DAP: variants seen among roughly 807,000 people sequenced by gnomAD.
DAP encodes death associated protein.
In DAP, 8 loss-of-function variants were observed where a neutral mutation model predicts 13.8. The observed-to-expected ratio is 0.58, with a 90% CI of 0.34 to 1.05. DAP has a LOEUF of 1.05. DAP is among the 50% of genes least tolerant of loss of function. The pLI is 0.03. For synonymous variants in DAP, 47 were observed against 47.5 expected, an observed-to-expected ratio of 0.99 and a Z score of 0.04; for missense variants, 106 against 133.2, an observed-to-expected ratio of 0.80 and a Z score of 1.01.
chr5:10,692,796 G>A (rs960891734), intron 2 of DAP, among the ~76,000 whole-genome samples: 1 of 152,144 alleles, frequency 6.6e-6, no homozygotes, highest in African/African-American at 2.4e-5. Flanking sequence ...CTCCCCAAAA[G>A]GACCGATTGC....
chr5:10,720,297 A>G (rs900068995), intron 2 of DAP, among the ~76,000 whole-genome samples: 1 of 152,208 alleles, frequency 6.6e-6, no homozygotes. Context: ...GCTGCTGTGC[A>G]TGACCCACTT....
intron 3 of DAP, among the ~76,000 whole-genome samples, chr5:10,682,206 C>A (rs529931985): frequency 1.3e-5 from 2 of 149,036 alleles, no homozygotes; most frequent in East Asian, 4.0e-4. Context: ...AGCGTCCCTG[C>A]AGGAAGCATG....
intron 1 of DAP, among the ~76,000 whole-genome samples, chr5:10,756,638 T>C (rs773629915): frequency 6.6e-6 from 1 of 152,248 alleles, no homozygotes; most frequent in African/African-American, 2.4e-5. Context: ...CATTCAAAGC[T>C]ATCATGTAGC....
At chr5:10,747,552 G>C (rs922870756) in intron 2 of DAP, among the ~76,000 whole-genome samples, 1 of 152,216 alleles carries the variant, frequency 6.6e-6, no homozygotes. Context: ...AGACAGCCAG[G>C]TCCACCCCTG....
intron 2 of DAP, among the ~76,000 whole-genome samples, chr5:10,740,258 G>A (rs1454536066): frequency 6.6e-6 from 1 of 152,200 alleles, no homozygotes; most frequent in Non-Finnish European, 1.5e-5. Context: ...GGAAAAAAGA[G>A]TCGGCGGCAG....
At chr5:10,728,664 T>C (rs1449338169) in intron 2 of DAP, among the ~76,000 whole-genome samples, 1 of 152,202 alleles carries the variant, frequency 6.6e-6, no homozygotes, top group African/African-American at 2.4e-5. Flanking sequence ...GGGTTCAAAT[T>C]AATCACACAC....
In DAP at chr5:10,680,055, A is replaced by G. The variant is rs577751455; in HGVS notation, c.*1001T>C. On this transcript the variant is annotated 3_prime_UTR_variant, in exon 4 of 4. Coordinates refer to ENST00000230895, the MANE Select transcript of DAP (RefSeq NM_004394.3). ...GGACAACCTGATGCACCCAAGTGACAATGGACCCAGGCAGCTGTGCACACC... is the reference window on the plus strand; with the variant it reads ...GGACAACCTGATGCACCCAAGTGACGATGGACCCAGGCAGCTGTGCACACC... The G allele has an allele frequency of 1.3e-5, 2 of 152,762 alleles. 1 individual carries two copies. The highest frequency in any genetic ancestry group is 4.1e-4 in the South Asian group (2 of 4,830). 9.5% of individuals were successfully genotyped at this position (152,762 alleles called of 1,614,324 possible). A position where few individuals can be genotyped will look rare whatever the true frequency, so the allele number is the denominator to read the frequency against.
At chr5:10,694,108 T>C (rs1738375641) in intron 2 of DAP, among the ~76,000 whole-genome samples, 1 of 151,878 alleles carries the variant, frequency 6.6e-6, no homozygotes, top group Non-Finnish European at 1.5e-5. Flanking sequence ...ACTCTGTTCC[T>C]CAGTCTCGGG....
chr5:10,737,345 C>CAAA lies in DAP; in HGVS notation c.152+10827_152+10829dup, dbSNP rs35941385. 1.6e-3 allele frequency among the ~76,000 whole-genome samples: 162 copies of CAAA among 102,788 alleles called. 2 individuals carry two copies. The highest frequency in any genetic ancestry group is 5.4e-3 in the African/African-American group (150 of 27,918). The allele number at this position is 102,788 out of a possible 152,430, so 67.4% of individuals were successfully genotyped here. A position where few individuals can be genotyped will look rare whatever the true frequency, so the allele number is the denominator to read the frequency against. On this transcript the variant is annotated intron_variant, in intron 2 of 3. Transcript: ENST00000230895. ...TGGGCGACAGAGCAAGACTCTGTCT[C>CAAA]AAAAAAAAAACAAAAACAAAAACAA...
intron 2 of DAP, among the ~76,000 whole-genome samples, chr5:10,717,558 C>A (rs776024429): frequency 2.4e-4 from 36 of 152,184 alleles, no homozygotes; most frequent in Non-Finnish European, 3.7e-4. Context: ...CCAGCCTTTG[C>A]ACCTCTGTCT....
intron 2 of DAP, among the ~76,000 whole-genome samples, chr5:10,699,528 T>C (rs543057131): frequency 6.6e-6 from 1 of 152,298 alleles, no homozygotes; most frequent in Admixed American, 6.5e-5. Context: ...TCACCATGGG[T>C]TTCTGGAAAA....
chr5:10,710,903 G>A (rs1038588482), intron 2 of DAP, among the ~76,000 whole-genome samples: 1 of 152,222 alleles, frequency 6.6e-6, no homozygotes, highest in African/African-American at 2.4e-5. Context: ...TGAGCCAGGG[G>A]AAGTGGTGAG....
intron 1 of DAP, among the ~76,000 whole-genome samples, chr5:10,759,643 C>T (rs1204012651): frequency 1.3e-5 from 2 of 151,906 alleles, no homozygotes; most frequent in East Asian, 3.9e-4. Context: ...ATATTGCCTA[C>T]TCTGGACTGC....
intron 2 of DAP, among the ~76,000 whole-genome samples, chr5:10,718,263 G>A (rs1739046575): frequency 6.6e-6 from 1 of 152,176 alleles, no homozygotes; most frequent in South Asian, 2.1e-4. Context: ...GTCATTAACG[G>A]AGCTTTAGCT....
intron 2 of DAP, among the ~76,000 whole-genome samples, chr5:10,742,803 T>C (rs1252705237): frequency 3.9e-5 from 6 of 152,168 alleles, no homozygotes; most frequent in Admixed American, 1.3e-4. Context: ...GGGATGCTTA[T>C]GGCTGCATGG....
At chr5:10,715,831 C>T (rs1738971095) in intron 2 of DAP, among the ~76,000 whole-genome samples, 1 of 152,204 alleles carries the variant, frequency 6.6e-6, no homozygotes, top group South Asian at 2.1e-4. Flanking sequence ...GGAGCTGGCA[C>T]TGAGGTATTT....
chr5:10,693,124 GCA>G (rs10596228), intron 2 of DAP, among the ~76,000 whole-genome samples: 9,981 of 148,862 alleles, frequency 0.067, 406 homozygotes, highest in South Asian at 0.17. Context: ...ACATGCACAC[GCA>G]CACACACACA....
chr5:10,720,758 C>T (rs1739114215), intron 2 of DAP, among the ~76,000 whole-genome samples: 1 of 152,204 alleles, frequency 6.6e-6, no homozygotes, highest in Admixed American at 6.5e-5. Context: ...CAGCCAGCTA[C>T]CTAGTGACTA....
At chr5:10,688,682 G>A (rs938472133) in intron 2 of DAP, among the ~76,000 whole-genome samples, 1 of 151,712 alleles carries the variant, frequency 6.6e-6, no homozygotes, top group African/African-American at 2.4e-5. Context: ...CACAACTACT[G>A]TCCCATCACA....
Sources: gnomAD v4.1 joint callset for allele counts (sites outside exome capture counted in the v4.1 genomes callset) on GRCh38, gnomAD v4.1.1 for gene constraint, MANE v1.5 for transcripts, NCBI Gene and HGNC (gene_info 2026-07-23, HGNC 2026-07-21) for gene names.